The following FDX1 variants were observed in gnomAD, a reference collection of about 807,000 sequenced individuals.
The protein encoded by FDX1 is adrenodoxin, mitochondrial.
Under a neutral mutation model 14.9 loss-of-function variants are expected in FDX1, and 9 were observed. The observed-to-expected ratio is 0.60, with a 90% confidence interval of 0.36 to 1.05. The LOEUF (loss-of-function observed/expected upper bound fraction) is 1.05, where lower values mean the gene tolerates loss of function less well. FDX1 is among the 50% of genes least tolerant of loss of function. FDX1 has a pLI of 0.01. For missense variants in FDX1, 204 were observed against 237.2 expected (o/e 0.86, Z 0.92); for synonymous variants, 92 against 99.4 (o/e 0.93, Z 0.44).
chr11:110,451,109 G>GT (rs1481073847), intron 2 of FDX1, among the ~76,000 whole-genome samples: 146 of 146,000 alleles, frequency 1.0e-3, no homozygotes, highest in African/African-American at 3.4e-3. Flanking sequence ...ATTTTGTAGG[G>GT]TTCTCTGTGT....
chr11:110,430,375 G>A (rs1283705257), intron 1 of FDX1, 70 bp downstream of exon 1: 1 of 1,061,208 alleles, frequency 9.4e-7, no homozygotes, highest in East Asian at 4.0e-5. Context: ...TGGCTCTCTG[G>A]GCCGAGTCTC....
At chr11:110,453,952 G>A (rs533803719) in intron 2 of FDX1, among the ~76,000 whole-genome samples, 2 of 152,092 alleles carry the variant, frequency 1.3e-5, no homozygotes, top group Non-Finnish European at 2.9e-5. Context: ...CTTCTTCCTA[G>A]TACAAAGAAT....
chr11:110,461,592 C>G (rs985285307), intron 3 of FDX1, among the ~76,000 whole-genome samples: 1 of 148,206 alleles, frequency 6.7e-6, no homozygotes, highest in South Asian at 2.1e-4. Flanking sequence ...CTTAAAATGA[C>G]AAATATTTAT....
intron 2 of FDX1, among the ~76,000 whole-genome samples, chr11:110,445,005 T>A (rs1362732488): frequency 1.3e-5 from 2 of 151,692 alleles, no homozygotes; most frequent in Non-Finnish European, 2.9e-5. Context: ...TTTAGAATAG[T>A]TTTTTTATAA....
intron 1 of FDX1, 131 bp from the exon 2 acceptor site, chr11:110,435,703 A>G: frequency 1.7e-6 from 1 of 591,080 alleles, no homozygotes; most frequent in South Asian, 2.9e-5. Context: ...AAAATAAAAA[A>G]AATTAGCCAG....
At chr11:110,439,502 C>T (rs1241727282) in intron 2 of FDX1, among the ~76,000 whole-genome samples, 2 of 152,146 alleles carry the variant, frequency 1.3e-5, no homozygotes, top group African/African-American at 2.4e-5. Context: ...CCACCACACC[C>T]GGCCCTCTGC....
chr11:110,435,818 CTG>C lies in FDX1; in HGVS notation c.186-14_186-13del. Reference sequence around the variant, plus strand: ...TGAAATTACTAAAAATACTAAAGGACTGTTTTTTTTTCCAGCTCAGAAGATAA... The same window carrying C: ...TGAAATTACTAAAAATACTAAAGGACTTTTTTTTTCCAGCTCAGAAGATAA... On this transcript the variant is annotated splice_polypyrimidine_tract_variant and intron_variant, in intron 1 of 3. Transcript: ENST00000260270. 2 of 1,573,470 alleles carry C rather than the reference CTG, an allele frequency of 1.3e-6. No homozygotes were observed. The highest frequency in any genetic ancestry group is 8.7e-7 in the Non-Finnish European group (1 of 1,154,546).
At chr11:110,431,043 A>G (rs917972544) in intron 1 of FDX1, among the ~76,000 whole-genome samples, 4 of 152,220 alleles carry the variant, frequency 2.6e-5, no homozygotes, top group African/African-American at 9.6e-5. Context: ...GAGTTAATAC[A>G]GCGATACAGG....
intron 1 of FDX1, among the ~76,000 whole-genome samples, chr11:110,431,969 T>G (rs1946334800): frequency 6.6e-6 from 1 of 152,142 alleles, no homozygotes; most frequent in East Asian, 1.9e-4. Flanking sequence ...TTAACATAAT[T>G]AAAGGTAAAT....
intron 3 of FDX1, 67 bp downstream of exon 3, chr11:110,457,114 T>C: frequency 6.9e-7 from 1 of 1,439,128 alleles, no homozygotes; most frequent in Non-Finnish European, 9.6e-7. Flanking sequence ...TTATGTTGTC[T>C]ATGTAAGACC....
At chr11:110,433,346 A>C (rs2134565408) in intron 1 of FDX1, among the ~76,000 whole-genome samples, 1 of 152,288 alleles carries the variant, frequency 6.6e-6, no homozygotes, top group East Asian at 1.9e-4. Flanking sequence ...GCTTCAACTT[A>C]TTTCTGTCTT....
chr11:110,452,463 A>G lies in FDX1; in HGVS notation c.311-4455A>G, dbSNP rs536778886. 5.9e-5 allele frequency among the ~76,000 whole-genome samples: 9 copies of G among 152,284 alleles called. No homozygotes were observed. The South Asian group carries it at 8.3e-4, about 14-fold the overall frequency. ...ACACTTCACCAAGGAGAATTTAGAG[A>G]TGGCAAATAAGCTCATAAAAAGATT... On this transcript the variant is annotated intron_variant, in intron 2 of 3. Coordinates refer to ENST00000260270, the MANE Select transcript of FDX1 (RefSeq NM_004109.5).
chr11:110,431,877 A>G (rs1286848470), intron 1 of FDX1, among the ~76,000 whole-genome samples: 1 of 152,134 alleles, frequency 6.6e-6, no homozygotes, highest in African/African-American at 2.4e-5. Context: ...TGGAGCTACA[A>G]CTGGATTTTC....
chr11:110,461,664 T>G (rs1946557676), intron 3 of FDX1, among the ~76,000 whole-genome samples: 1 of 152,188 alleles, frequency 6.6e-6, no homozygotes, highest in Non-Finnish European at 1.5e-5. Context: ...TTTGTAATCT[T>G]TTTAGACTAT....
chr11:110,453,020 C>T (rs930034404), intron 2 of FDX1, among the ~76,000 whole-genome samples: 1 of 152,132 alleles, frequency 6.6e-6, no homozygotes, highest in Non-Finnish European at 1.5e-5. Flanking sequence ...GTGGTGGTTA[C>T]ACAAGTCTAT....
intron 2 of FDX1, among the ~76,000 whole-genome samples, chr11:110,444,306 A>G (rs1946424047): frequency 6.6e-6 from 1 of 152,040 alleles, no homozygotes; most frequent in South Asian, 2.1e-4. Flanking sequence ...ATTATTGAAT[A>G]CGGAGTCTCT....
intron 2 of FDX1, 22 bp from the exon 3 acceptor site, chr11:110,456,896 C>G (rs746369130): frequency 6.2e-7 from 1 of 1,602,858 alleles, no homozygotes; most frequent in South Asian, 1.1e-5. Context: ...GGACTATGTT[C>G]AGTGTTTGTT....
chr11:110,442,625 A>G lies in FDX1; in HGVS notation c.310+6667A>G, dbSNP rs190796821. On this transcript the variant is annotated intron_variant, in intron 2 of 3. Coordinates refer to ENST00000260270, the MANE Select transcript of FDX1 (RefSeq NM_004109.5). ...TACCCAATGCCTGTACCCCCATTGT[A>G]TCTAGGAAGTAACTAACTTGCTTTT... 5.4e-3 allele frequency among the ~76,000 whole-genome samples: 828 copies of G among 152,314 alleles called. 6 individuals are homozygous for G. The highest frequency in any genetic ancestry group is 0.019 in the African/African-American group (784 of 41,568).
intron 2 of FDX1, among the ~76,000 whole-genome samples, chr11:110,451,005 T>C (rs560592721): frequency 1.3e-5 from 2 of 152,306 alleles, no homozygotes; most frequent in African/African-American, 4.8e-5. Flanking sequence ...ATACCCATAT[T>C]GTGATCAGCT....
Sources: allele counts gnomAD v4.1 joint callset (sites outside exome capture counted in the v4.1 genomes callset), GRCh38; gene constraint gnomAD v4.1.1; transcripts MANE v1.5; gene names NCBI Gene and HGNC (gene_info 2026-07-23, HGNC 2026-07-21).